Variants in COX10 observed in about 807,000 individuals in gnomAD.
COX10 encodes the protein protoheme IX farnesyltransferase, mitochondrial.
A neutral mutation model predicts 37.3 loss-of-function variants in COX10; 27 were observed. The observed-to-expected ratio is 0.72, with a 90% CI of 0.53 to 1.00. The LOEUF (loss-of-function observed/expected upper bound fraction) is 1.00, where lower values mean the gene tolerates loss of function less well. Ranked by LOEUF, COX10 falls within the 50% of genes least tolerant of loss-of-function variation. The pLI is 0.00. For synonymous variants in COX10, 222 were observed against 229.1 expected, an observed-to-expected ratio of 0.97 and a Z score of 0.28; for missense variants, 475 against 563.2, an observed-to-expected ratio of 0.84 and a Z score of 1.59.
chr17:14,083,522 G>C (rs957865370), intron 3 of COX10, among the ~76,000 whole-genome samples: 2 of 152,128 alleles, frequency 1.3e-5, no homozygotes, highest in Admixed American at 1.3e-4. Context: ...GTTTATAGCT[G>C]TAATATACGG....
At chr17:14,092,213 T>A (rs540802693) in intron 3 of COX10, among the ~76,000 whole-genome samples, 12 of 152,274 alleles carry the variant, frequency 7.9e-5, no homozygotes, top group Admixed American at 7.2e-4. Context: ...TCAAGCCCGA[T>A]AGATACTTCA....
At chr17:14,157,444 G>C (rs546800361) in intron 4 of COX10, among the ~76,000 whole-genome samples, 1 of 152,192 alleles carries the variant, frequency 6.6e-6, no homozygotes, top group Non-Finnish European at 1.5e-5. Context: ...AACATTCTAG[G>C]CATTTATCCT....
chr17:14,149,840 T>C (rs1904837169), intron 4 of COX10, among the ~76,000 whole-genome samples: 2 of 152,208 alleles, frequency 1.3e-5, no homozygotes, highest in South Asian at 4.2e-4. Flanking sequence ...CTAGTTTGAG[T>C]TGTGTTTCTA....
At chr17:14,201,389 G>A (rs924698445) in intron 6 of COX10, among the ~76,000 whole-genome samples, 2 of 152,172 alleles carry the variant, frequency 1.3e-5, no homozygotes, top group Non-Finnish European at 2.9e-5. Context: ...AGGCTAGGCT[G>A]TGATTTCCAA....
intron 4 of COX10, among the ~76,000 whole-genome samples, chr17:14,124,865 A>G (rs951228742): frequency 5.9e-5 from 9 of 152,346 alleles, no homozygotes; most frequent in Non-Finnish European, 2.9e-5. Flanking sequence ...ATGTTAAGTC[A>G]CAACCAGGTT....
chr17:14,174,176 G>A (rs1477977105), intron 5 of COX10, among the ~76,000 whole-genome samples: 3 of 151,952 alleles, frequency 2.0e-5, no homozygotes. Flanking sequence ...ATAGACAAAA[G>A]GGGCCGGGCA....
chr17:14,113,185 G>A, intron 4 of COX10, among the ~76,000 whole-genome samples: 1 of 152,154 alleles, frequency 6.6e-6, no homozygotes, highest in Non-Finnish European at 1.5e-5. Context: ...AGTTGACCTA[G>A]TCATGCTCCT....
At chr17:14,172,169 T>A (rs1022854744) in intron 5 of COX10, among the ~76,000 whole-genome samples, 21 of 152,144 alleles carry the variant, frequency 1.4e-4, no homozygotes, top group Non-Finnish European at 2.9e-4. Context: ...ACCAAACATA[T>A]TTAAGACAAA....
intron 4 of COX10, among the ~76,000 whole-genome samples, chr17:14,140,811 C>A (rs951613263): frequency 3.3e-5 from 5 of 152,032 alleles, no homozygotes; most frequent in African/African-American, 1.2e-4. Flanking sequence ...AACGTTATGT[C>A]TGATTTTTTT....
At chr17:14,102,015 AT>A in intron 3 of COX10, 102 bp from the exon 4 acceptor site, 2 of 1,402,054 alleles carry the variant, frequency 1.4e-6, no homozygotes, top group Non-Finnish European at 2.0e-6. Flanking sequence ...TATTAATATA[AT>A]CAATTAGTTT....
At chr17:14,109,117 A>G (rs543504594) in intron 4 of COX10, among the ~76,000 whole-genome samples, 20 of 152,300 alleles carry the variant, frequency 1.3e-4, no homozygotes, top group African/African-American at 4.8e-4. Flanking sequence ...TGGTCTCTGA[A>G]GTTGATAACT....
At chr17:14,102,334 T>C (rs2142200427) in intron 4 of COX10, 92 bp downstream of exon 4, 3 of 1,554,840 alleles carry the variant, frequency 1.9e-6, no homozygotes, top group Middle Eastern at 2.1e-4. Context: ...CAAACTCATA[T>C]ATTGATGGAG....
At chr17:14,133,875 A>G (rs955797586) in intron 4 of COX10, among the ~76,000 whole-genome samples, 1 of 151,660 alleles carries the variant, frequency 6.6e-6, no homozygotes, top group Non-Finnish European at 1.5e-5. Flanking sequence ...AGCTTGTCTT[A>G]CTTTATAGGG....
intron 6 of COX10, among the ~76,000 whole-genome samples, chr17:14,196,990 G>C (rs1266052024): frequency 6.6e-6 from 1 of 152,130 alleles, no homozygotes; most frequent in African/African-American, 2.4e-5. Flanking sequence ...CAAATACCCA[G>C]CACCAACCCT....
chr17:14,196,408 T>C (rs1220787177), intron 6 of COX10, among the ~76,000 whole-genome samples: 2 of 152,142 alleles, frequency 1.3e-5, no homozygotes, highest in Non-Finnish European at 2.9e-5. Context: ...GTCTACAGAA[T>C]TAAGTCATGA....
intron 1 of COX10, among the ~76,000 whole-genome samples, chr17:14,070,968 G>A (rs62054146): frequency 0.064 from 9,671 of 152,210 alleles, 404 homozygotes; most frequent in East Asian, 0.11. Context: ...GGGGGCTCAT[G>A]GTACTCTTCT....
chr17:14,094,211 G>C (rs1158436005), intron 3 of COX10, among the ~76,000 whole-genome samples: 3 of 151,868 alleles, frequency 2.0e-5, no homozygotes, highest in Non-Finnish European at 4.4e-5. Context: ...TTTTATTTTA[G>C]AGCCAGTTTC....
intron 6 of COX10, among the ~76,000 whole-genome samples, chr17:14,205,112 C>G (rs1906657353): frequency 6.6e-6 from 1 of 151,098 alleles, no homozygotes; most frequent in Admixed American, 6.7e-5. Flanking sequence ...CCCTGTCATT[C>G]TCAGCACTCC....
intron 4 of COX10, among the ~76,000 whole-genome samples, chr17:14,144,291 GGCATTTTCGACTCTGTA>G (rs1904645737): frequency 6.6e-6 from 1 of 151,976 alleles, no homozygotes; most frequent in Non-Finnish European, 1.5e-5. Flanking sequence ...TTTAAATGAT[GGCATTTTCGACTCTGTA>G]GTATTTTAGA....
Sources: allele counts gnomAD v4.1 joint callset (sites outside exome capture counted in the v4.1 genomes callset), GRCh38; gene constraint gnomAD v4.1.1; transcripts MANE v1.5; gene names NCBI Gene and HGNC (gene_info 2026-07-23, HGNC 2026-07-21).